Variants in CHD7 observed in about 807,000 individuals in gnomAD.
The protein encoded by CHD7 is chromodomain helicase DNA binding protein 7.
CHD7 carries 24 observed loss-of-function variants against 307.3 expected under a neutral mutation model. That is an observed-to-expected ratio of 0.08 (90% CI 0.06 to 0.11). The LOEUF is 0.11. Among genes scored for constraint, CHD7 ranks in the 10% least tolerant of loss-of-function variants. The pLI is 1.00. For missense variants in CHD7, 3,106 were observed against 3,727.1 expected (o/e 0.83, Z 4.34); for synonymous variants, 1,363 against 1,349.9 (o/e 1.01, Z -0.21).
chr8:60,827,992 A>G (rs985914655), intron 13 of CHD7, among the ~76,000 whole-genome samples: 3 of 152,140 alleles, frequency 2.0e-5, no homozygotes, highest in African/African-American at 7.2e-5. Context: ...TATTGCATAT[A>G]TGAAAATAGG....
intron 2 of CHD7, among the ~76,000 whole-genome samples, chr8:60,744,180 G>A (rs1050186598): frequency 6.6e-6 from 1 of 152,180 alleles, no homozygotes; most frequent in Admixed American, 6.5e-5. Context: ...ACAAGGGCAC[G>A]GGAAGTCAAG....
intron 6 of CHD7, among the ~76,000 whole-genome samples, chr8:60,801,973 C>G (rs2150711952): frequency 6.6e-6 from 1 of 152,142 alleles, no homozygotes; most frequent in East Asian, 1.9e-4. Context: ...GATGGAAATT[C>G]TGTTTGTCAT....
At chr8:60,700,165 T>A (rs1806689775) in intron 1 of CHD7, among the ~76,000 whole-genome samples, 1 of 152,184 alleles carries the variant, frequency 6.6e-6, no homozygotes, top group Non-Finnish European at 1.5e-5. Flanking sequence ...TGGAAATATT[T>A]TAAATTCCAA....
At chr8:60,862,815 A>ATCAC in intron 37 of CHD7, 163 bp downstream of exon 37, 1 of 489,800 alleles carries the variant, frequency 2.0e-6, no homozygotes, top group Non-Finnish European at 3.6e-6. Context: ...TCATTAATAC[A>ATCAC]TCATTAATCC....
intron 15 of CHD7, among the ~76,000 whole-genome samples, chr8:60,834,645 G>A (rs1403515290): frequency 6.6e-6 from 1 of 152,210 alleles, no homozygotes; most frequent in Admixed American, 6.5e-5. Flanking sequence ...AAAGGAGTGA[G>A]GGCCAGTCTG....
chr8:60,718,068 C>T (rs1239478739), intron 1 of CHD7, among the ~76,000 whole-genome samples: 2 of 152,074 alleles, frequency 1.3e-5, no homozygotes, highest in African/African-American at 2.4e-5. Context: ...TGATGGCCTC[C>T]GAAGACCTTC....
At chr8:60,691,759 G>A (rs1806205037) in intron 1 of CHD7, among the ~76,000 whole-genome samples, 1 of 152,188 alleles carries the variant, frequency 6.6e-6, no homozygotes, top group African/African-American at 2.4e-5. Flanking sequence ...TAGTGAGCTG[G>A]ACCGAGGTAA....
chr8:60,678,744 A>G lies in CHD7; in HGVS notation c.-513A>G, dbSNP rs542460684. 14,366 of 139,014 alleles carry G rather than the reference A, an allele frequency of 0.1. 1,509 individuals are homozygous for G. The highest frequency in any genetic ancestry group is 0.27 in the African/African-American group (10,518 of 38,500). The allele number at this position is 139,014 out of a possible 1,614,324, so 8.6% of individuals were successfully genotyped here. On this transcript the variant is annotated 5_prime_UTR_variant, in exon 1 of 38. Transcript: ENST00000423902. ...TGCGCGCGGCGTGCCGGACGCGCGC[A>G]GGCGCTGGCGTGCTGGGGCCGCGGC...
chr8:60,741,813 T>C lies in CHD7; in HGVS notation c.381T>C (p.Pro127=), dbSNP rs373676882. The change falls in exon 2 of 38, where the codon CCT becomes CCC. Residue 127 remains proline, a synonymous_variant. Transcript: ENST00000423902. ...GSGGGQMGVY[P]GMQNERHGQS... is the part of the protein sequence containing the mutation. ...GTGGCGGTCAGATGGGTGTCTACCCTGGCATGCAGAATGAGAGGCATGGGC... is the reference window on the plus strand; with the variant it reads ...GTGGCGGTCAGATGGGTGTCTACCCCGGCATGCAGAATGAGAGGCATGGGC... The C allele has an allele frequency of 6.8e-6, 11 of 1,613,774 alleles. No homozygotes were observed. In the African/African-American group the frequency reaches 1.5e-4, roughly 22 times the overall value.
chr8:60,803,221 TGAGTA>T (rs1187521119), intron 6 of CHD7, among the ~76,000 whole-genome samples: 2 of 152,210 alleles, frequency 1.3e-5, no homozygotes, highest in Non-Finnish European at 2.9e-5. Context: ...GTGACTTGTT[TGAGTA>T]AATAGCATGT....
At chr8:60,803,974 C>A (rs1437594042) in intron 6 of CHD7, among the ~76,000 whole-genome samples, 1 of 152,198 alleles carries the variant, frequency 6.6e-6, no homozygotes, top group African/African-American at 2.4e-5. Flanking sequence ...CCTGTCCCTG[C>A]ATGGTGTTGA....
intron 2 of CHD7, among the ~76,000 whole-genome samples, chr8:60,756,015 TACCCTTGA>T: frequency 6.6e-6 from 1 of 152,366 alleles, no homozygotes; most frequent in South Asian, 2.1e-4. Context: ...ATGGCTACTG[TACCCTTGA>T]AATGGGGCTA....
chr8:60,787,243 A>G (rs1323023856), intron 3 of CHD7, among the ~76,000 whole-genome samples: 1 of 152,132 alleles, frequency 6.6e-6, no homozygotes, highest in East Asian at 1.9e-4. Context: ...ACCTGATTGA[A>G]ATGTGGGTGG....
At position 60,823,762 on chromosome 8, in the gene CHD7, T is replaced by A. The variant is rs779688491; in HGVS notation, c.3202-78T>A. 6.4e-4 allele frequency: 753 copies of A among 1,170,770 alleles called. 1 individual carries two copies. The highest frequency in any genetic ancestry group is 8.8e-4 in the Non-Finnish European group (701 of 795,430). 72.5% of individuals were successfully genotyped at this position (1,170,770 alleles called of 1,614,324 possible). A position where few individuals can be genotyped will look rare whatever the true frequency, so the allele number is the denominator to read the frequency against. On this transcript the variant is annotated intron_variant, in intron 12 of 37. Transcript: ENST00000423902. Reference sequence around the variant, plus strand: ...ATCTCCAAAGGGATAAATACGTATGTTTTATGCTATTTATTCATCCTTAAA... The same window carrying A: ...ATCTCCAAAGGGATAAATACGTATGATTTATGCTATTTATTCATCCTTAAA...
At chr8:60,737,045 ACATAT>A (rs1233683817) in intron 1 of CHD7, among the ~76,000 whole-genome samples, 2 of 152,060 alleles carry the variant, frequency 1.3e-5, no homozygotes, top group Non-Finnish European at 2.9e-5. Context: ...TTTTATATAT[ACATAT>A]ATTTTTCAAA....
At chr8:60,720,374 A>C (rs1807836653) in intron 1 of CHD7, among the ~76,000 whole-genome samples, 1 of 152,232 alleles carries the variant, frequency 6.6e-6, no homozygotes, top group Admixed American at 6.5e-5. Context: ...TTGGCCCCAG[A>C]AAGGCTGTAT....
At chr8:60,749,708 C>G (rs1450528949) in intron 2 of CHD7, among the ~76,000 whole-genome samples, 1 of 152,088 alleles carries the variant, frequency 6.6e-6, no homozygotes, top group South Asian at 2.1e-4. Flanking sequence ...GCAGGTTGCC[C>G]CATCTGGTGC....
intron 3 of CHD7, among the ~76,000 whole-genome samples, chr8:60,782,995 G>A (rs1811330085): frequency 6.6e-6 from 1 of 151,958 alleles, no homozygotes; most frequent in African/African-American, 2.4e-5. Context: ...TAAAACATAG[G>A]AGTCTGTGTT....
chr8:60,805,602 G>A (rs961075063), intron 6 of CHD7, among the ~76,000 whole-genome samples: 2 of 152,160 alleles, frequency 1.3e-5, no homozygotes, highest in Non-Finnish European at 1.5e-5. Flanking sequence ...AAGAGTCAGA[G>A]CTTTCTGGGA....
Sources: gnomAD v4.1 joint callset for allele counts (sites outside exome capture counted in the v4.1 genomes callset) on GRCh38, gnomAD v4.1.1 for gene constraint, MANE v1.5 for transcripts, NCBI Gene and HGNC (gene_info 2026-07-23, HGNC 2026-07-21) for gene names.